Variants in DCP1B observed in about 807,000 individuals in gnomAD.
The protein encoded by DCP1B is mRNA-decapping enzyme 1B.
DCP1B carries 47 observed loss-of-function variants against 60.5 expected under a neutral mutation model. That is an observed-to-expected ratio of 0.78 (90% CI 0.61 to 0.99). DCP1B has a LOEUF of 0.99. DCP1B is among the 50% of genes least tolerant of loss of function. The pLI is 0.00. For missense variants in DCP1B, 725 were observed against 756.8 expected, an observed-to-expected ratio of 0.96 and a Z score of 0.49; for synonymous variants, 267 against 280.3, an observed-to-expected ratio of 0.95 and a Z score of 0.47.
intron 6 of DCP1B, among the ~76,000 whole-genome samples, chr12:1,954,192 A>T (rs1328888339): frequency 6.6e-6 from 1 of 152,048 alleles, no homozygotes; most frequent in Non-Finnish European, 1.5e-5. Context: ...AAAAAAAAAA[A>T]TAAAAGAGGA....
chr12:1,986,294 TCTC>T (rs2037763904), intron 3 of DCP1B, among the ~76,000 whole-genome samples: 1 of 152,094 alleles, frequency 6.6e-6, no homozygotes, highest in Non-Finnish European at 1.5e-5. Flanking sequence ...AATTAGGAGA[TCTC>T]CTCATCCAGC....
At chr12:1,954,251 C>T (rs2030798846) in intron 6 of DCP1B, among the ~76,000 whole-genome samples, 2 of 151,452 alleles carry the variant, frequency 1.3e-5, no homozygotes, top group African/African-American at 2.4e-5. Context: ...ATTCAGGTCT[C>T]GCTATTAAAA....
At chr12:1,982,805 T>C (rs2036536890) in intron 3 of DCP1B, among the ~76,000 whole-genome samples, 1 of 152,174 alleles carries the variant, frequency 6.6e-6, no homozygotes, top group Non-Finnish European at 1.5e-5. Context: ...CCTCATAAAA[T>C]GAGTTGGAAA....
At chr12:1,945,748 C>A (rs2154456173), downstream of DCP1B, among the ~76,000 whole-genome samples, 1 of 152,284 alleles carries the variant, frequency 6.6e-6, no homozygotes, top group South Asian at 2.1e-4. Context: ...ATGGATGAAG[C>A]TGGAAACCAT....
chr12:1,973,341 A>G (rs547083069), intron 3 of DCP1B, among the ~76,000 whole-genome samples: 44 of 152,336 alleles, frequency 2.9e-4, no homozygotes, highest in African/African-American at 1.0e-3. Flanking sequence ...TTTGGGGGAA[A>G]CAGTAGAAAC....
intron 7 of DCP1B, among the ~76,000 whole-genome samples, 157 bp downstream of exon 7, chr12:1,952,259 C>G (rs558797567): frequency 1.3e-5 from 2 of 152,062 alleles, no homozygotes; most frequent in Non-Finnish European, 2.9e-5. Flanking sequence ...CTGTAACCTC[C>G]GCCTCTTGAG....
chr12:1,958,532 G>A (rs530808735), intron 5 of DCP1B, among the ~76,000 whole-genome samples: 8 of 145,932 alleles, frequency 5.5e-5, no homozygotes, highest in African/African-American at 1.3e-4. Context: ...GTCGCTCTGC[G>A]CAATGGCTTT....
downstream of DCP1B, among the ~76,000 whole-genome samples, chr12:1,942,556 G>A (rs2030306423): frequency 1.3e-5 from 2 of 152,198 alleles, no homozygotes; most frequent in African/African-American, 4.8e-5. Context: ...GCACTCCTTA[G>A]CAAATGCAAA....
Position 1,997,031 on chromosome 12 carries a change from A to G in DCP1B, c.191+904T>C, listed in dbSNP as rs374555105. Among the ~76,000 whole-genome samples the G allele has an allele frequency of 7.2e-5, 11 of 152,228 alleles. No homozygotes were observed. In the East Asian group the frequency reaches 1.2e-3, roughly 16 times the overall value. ...TTTATGTGAATGTTTATGTGAATGA[A>G]AAGTTTATTTATTGAGCCAATATAC... On this transcript the variant is annotated intron_variant, in intron 2 of 8. Transcript: ENST00000280665.
rs141379561 is a variant in DCP1B at position 1,956,811 on chromosome 12, C to G, written c.523-1251G>C. 1.2e-4 allele frequency among the ~76,000 whole-genome samples: 19 copies of G among 152,274 alleles called. No individual in the cohort carries two copies. The East Asian group carries it at 3.1e-3, about 25-fold the overall frequency. ...TGAAAAGCCTTGCTATTTAAAAGAA[C>G]GTGAATGCTTCCTTTCTTTGAATGA... is the stretch of plus-strand genomic sequence containing the variant. On this transcript the variant is annotated intron_variant, in intron 5 of 8. Transcript: ENST00000280665.
At chr12:1,986,035 G>C (rs552847695) in intron 3 of DCP1B, among the ~76,000 whole-genome samples, 5 of 152,102 alleles carry the variant, frequency 3.3e-5, no homozygotes, top group Non-Finnish European at 2.9e-5. Flanking sequence ...GGATGGTCTC[G>C]ATCTCCTGAC....
chr12:1,950,889 TCTC>T (rs1178411539), intron 7 of DCP1B, among the ~76,000 whole-genome samples: 1 of 152,130 alleles, frequency 6.6e-6, no homozygotes, highest in Non-Finnish European at 1.5e-5. Context: ...TTCAAGCGAT[TCTC>T]CTATCTTAAC....
intron 3 of DCP1B, among the ~76,000 whole-genome samples, chr12:1,984,783 A>G (rs1308559332): frequency 6.6e-6 from 1 of 150,758 alleles, no homozygotes; most frequent in Non-Finnish European, 1.5e-5. Flanking sequence ...TCTGGTAAAA[A>G]AAAAAAAAAA....
intron 6 of DCP1B, among the ~76,000 whole-genome samples, chr12:1,954,923 C>T (rs2030825436): frequency 6.6e-6 from 1 of 152,130 alleles, no homozygotes; most frequent in African/African-American, 2.4e-5. Context: ...AGTGCAGTGG[C>T]GCATTCCATA....
intron 3 of DCP1B, among the ~76,000 whole-genome samples, chr12:1,984,778 T>TAA (rs764705302): frequency 0.21 from 17,367 of 80,894 alleles, 1,921 homozygotes; most frequent in South Asian, 0.27. Context: ...GGTCTTCTGG[T>TAA]AAAAAAAAAA....
At chr12:1,944,508 G>A (rs2154456110), downstream of DCP1B, among the ~76,000 whole-genome samples, 1 of 152,242 alleles carries the variant, frequency 6.6e-6, no homozygotes, top group South Asian at 2.1e-4. Flanking sequence ...AAAGCTGCAG[G>A]CATCATGTTA....
At chr12:1,952,306 T>C in intron 7 of DCP1B, 110 bp downstream of exon 7, 3 of 1,313,760 alleles carry the variant, frequency 2.3e-6, no homozygotes, top group Non-Finnish European at 3.0e-6. Flanking sequence ...CCTCAGTAGC[T>C]GGTGCTATAG....
chr12:1,980,258 T>C (rs1020895352), intron 3 of DCP1B, among the ~76,000 whole-genome samples: 10 of 152,244 alleles, frequency 6.6e-5, no homozygotes, highest in African/African-American at 2.2e-4. Flanking sequence ...AATATAATGA[T>C]GCAGTGGAGT....
At chr12:1,952,223 G>C (rs377048980) in intron 7 of DCP1B, among the ~76,000 whole-genome samples, 193 bp downstream of exon 7, 1 of 152,026 alleles carries the variant, frequency 6.6e-6, no homozygotes, top group African/African-American at 2.4e-5. Flanking sequence ...ACCCAGGCTG[G>C]AGTGCAGTGG....
Sources: allele counts gnomAD v4.1 joint callset (sites outside exome capture counted in the v4.1 genomes callset), GRCh38; gene constraint gnomAD v4.1.1; transcripts MANE v1.5; gene names NCBI Gene and HGNC (gene_info 2026-07-23, HGNC 2026-07-21).